Variants in GTF2F2 observed in about 807,000 individuals in gnomAD.
The protein encoded by GTF2F2 is ATP-dependent helicase GTF2F2.
Under a neutral mutation model 42.2 loss-of-function variants are expected in GTF2F2, and 23 were observed. The observed-to-expected ratio is 0.55, with a 90% CI of 0.39 to 0.77. The LOEUF (loss-of-function observed/expected upper bound fraction) is 0.77, where lower values mean the gene tolerates loss of function less well. Among genes scored for constraint, GTF2F2 ranks in the 30% least tolerant of loss-of-function variants. The pLI is 0.00. For synonymous variants in GTF2F2, 105 were observed against 100.8 expected, an observed-to-expected ratio of 1.04 and a Z score of -0.25; for missense variants, 261 against 287.2, an observed-to-expected ratio of 0.91 and a Z score of 0.66.
At chr13:45,211,950 T>C (rs765506425) in intron 5 of GTF2F2, among the ~76,000 whole-genome samples, 5 of 151,932 alleles carry the variant, frequency 3.3e-5, no homozygotes, top group Non-Finnish European at 5.9e-5. Context: ...TCTTTAAACC[T>C]GAAGAAACAC....
At chr13:45,255,550 A>C (rs1876069483) in intron 6 of GTF2F2, among the ~76,000 whole-genome samples, 1 of 152,220 alleles carries the variant, frequency 6.6e-6, no homozygotes, top group African/African-American at 2.4e-5. Context: ...GATCCAGAAG[A>C]GGTATTTTTC....
intron 1 of GTF2F2, among the ~76,000 whole-genome samples, chr13:45,121,429 G>GA (rs748411899): frequency 1.9e-3 from 289 of 152,326 alleles, no homozygotes; most frequent in Middle Eastern, 0.01. Context: ...GATCCTGAAA[G>GA]TCGTTGAAAC....
chr13:45,149,576 G>A (rs1209472951), intron 2 of GTF2F2, among the ~76,000 whole-genome samples, 194 bp from the exon 3 acceptor site: 2 of 152,100 alleles, frequency 1.3e-5, no homozygotes, highest in Non-Finnish European at 2.9e-5. Context: ...ATAATGATGT[G>A]TGATTAATGT....
At chr13:45,208,721 G>T (rs1311708220) in intron 5 of GTF2F2, among the ~76,000 whole-genome samples, 1 of 152,088 alleles carries the variant, frequency 6.6e-6, no homozygotes, top group East Asian at 1.9e-4. Flanking sequence ...TTGTCAATTA[G>T]ATTAGACTGT....
chr13:45,256,856 T>C (rs989993510), intron 6 of GTF2F2, among the ~76,000 whole-genome samples: 2 of 152,156 alleles, frequency 1.3e-5, no homozygotes, highest in African/African-American at 4.8e-5. Flanking sequence ...GATAAAGTTA[T>C]ATAAACATGA....
At chr13:45,233,627 T>C (rs1267214947) in intron 5 of GTF2F2, among the ~76,000 whole-genome samples, 1 of 152,096 alleles carries the variant, frequency 6.6e-6, no homozygotes, top group Non-Finnish European at 1.5e-5. Context: ...TATAAAACAA[T>C]TGCTAGCTGG....
chr13:45,177,626 T>C (rs1180835778), intron 4 of GTF2F2, among the ~76,000 whole-genome samples: 1 of 152,174 alleles, frequency 6.6e-6, no homozygotes, highest in Non-Finnish European at 1.5e-5. Context: ...TTTTACTTAA[T>C]AATGGCCCCA....
intron 1 of GTF2F2, among the ~76,000 whole-genome samples, chr13:45,129,487 G>A (rs1326696166): frequency 6.6e-6 from 1 of 152,220 alleles, no homozygotes; most frequent in African/African-American, 2.4e-5. Context: ...TGGGATTACA[G>A]GCGTGAGCCA....
At chr13:45,190,104 C>G (rs1486453675) in intron 4 of GTF2F2, among the ~76,000 whole-genome samples, 1 of 152,062 alleles carries the variant, frequency 6.6e-6, no homozygotes, top group Non-Finnish European at 1.5e-5. Flanking sequence ...ATCTATCCAT[C>G]TGACAAATGG....
intron 5 of GTF2F2, among the ~76,000 whole-genome samples, chr13:45,225,481 T>C (rs1566141231): frequency 6.6e-6 from 1 of 151,918 alleles, no homozygotes; most frequent in African/African-American, 2.4e-5. Context: ...CCGGGCATCA[T>C]GGCAGCAGGT....
chr13:45,268,345 GA>G (rs1316304784), intron 7 of GTF2F2, among the ~76,000 whole-genome samples: 7 of 151,942 alleles, frequency 4.6e-5, no homozygotes, highest in Non-Finnish European at 1.0e-4. Context: ...GAAAGGACTT[GA>G]TTTTTTTTAT....
intron 1 of GTF2F2, among the ~76,000 whole-genome samples, chr13:45,127,913 G>A (rs1448447180): frequency 1.5e-5 from 2 of 130,096 alleles, no homozygotes; most frequent in Non-Finnish European, 3.2e-5. Context: ...TTACAGGCAT[G>A]AGCCACTGTG....
chr13:45,184,448 G>T (rs1872321600), intron 4 of GTF2F2, among the ~76,000 whole-genome samples: 1 of 150,790 alleles, frequency 6.6e-6, no homozygotes, highest in Admixed American at 6.6e-5. Context: ...GAGTGCAGTG[G>T]CATGATCCTA....
At chr13:45,231,163 A>G (rs1874659984) in intron 5 of GTF2F2, among the ~76,000 whole-genome samples, 2 of 152,144 alleles carry the variant, frequency 1.3e-5, no homozygotes, top group South Asian at 2.1e-4. Flanking sequence ...GCTGGAGTGC[A>G]GTGGCACAAT....
At chr13:45,140,668 T>C (rs776445570) in intron 2 of GTF2F2, among the ~76,000 whole-genome samples, 1 of 152,228 alleles carries the variant, frequency 6.6e-6, no homozygotes, top group Non-Finnish European at 1.5e-5. Context: ...AAAAATAATA[T>C]TGAAATGTAC....
At chr13:45,136,479 A>G (rs147459316) in intron 1 of GTF2F2, among the ~76,000 whole-genome samples, 20 of 152,340 alleles carry the variant, frequency 1.3e-4, no homozygotes, top group African/African-American at 4.3e-4. Context: ...ATTTGGGAAG[A>G]TAAGTTGGTG....
At chr13:45,191,379 A>G (rs1294872198) in intron 4 of GTF2F2, among the ~76,000 whole-genome samples, 1 of 150,756 alleles carries the variant, frequency 6.6e-6, no homozygotes, top group African/African-American at 2.4e-5. Flanking sequence ...CTTTCTTTTG[A>G]GAAAGATAGT....
chr13:45,203,361 A>G (rs191819421), intron 4 of GTF2F2, among the ~76,000 whole-genome samples: 87 of 151,994 alleles, frequency 5.7e-4, no homozygotes, highest in African/African-American at 2.1e-3. Context: ...CTGGGATTAC[A>G]GGCGTGAGCC....
At chr13:45,228,281 A>ATTTTTTTTTT (rs1874467229) in intron 5 of GTF2F2, among the ~76,000 whole-genome samples, 1 of 85,684 alleles carries the variant, frequency 1.2e-5, no homozygotes, top group African/African-American at 1.0e-4. Flanking sequence ...GCCAGAGTTA[A>ATTTTTTTTTT]TCTTTTTTTT....
Sources: gnomAD v4.1 joint callset for allele counts (sites outside exome capture counted in the v4.1 genomes callset) on GRCh38, gnomAD v4.1.1 for gene constraint, MANE v1.5 for transcripts, NCBI Gene and HGNC (gene_info 2026-07-23, HGNC 2026-07-21) for gene names.